EYA4: variants seen among roughly 807,000 people sequenced by gnomAD.
The protein encoded by EYA4 is protein phosphatase EYA4.
Under a neutral mutation model 87.9 loss-of-function variants are expected in EYA4, and 31 were observed. The observed-to-expected ratio is 0.35, with a 90% CI of 0.27 to 0.48. The LOEUF (loss-of-function observed/expected upper bound fraction) is 0.48. Among genes scored for constraint, EYA4 ranks in the 20% least tolerant of loss-of-function variants. The probability of loss-of-function intolerance (pLI) is 0.99; values close to 1 mark genes in which losing one functional copy is unlikely to be tolerated. For missense variants in EYA4, 678 were observed against 761.4 expected, an observed-to-expected ratio of 0.89 and a Z score of 1.29; for synonymous variants, 263 against 270.6, an observed-to-expected ratio of 0.97 and a Z score of 0.28.
intron 2 of EYA4, among the ~76,000 whole-genome samples, chr6:133,364,066 A>G (rs1352054050): frequency 3.9e-5 from 6 of 152,168 alleles, no homozygotes; most frequent in Non-Finnish European, 1.5e-5. Flanking sequence ...CAGCCTCACC[A>G]TCACCTGCTC....
At chr6:133,447,074 G>C (rs1165063621) in intron 4 of EYA4, among the ~76,000 whole-genome samples, 1 of 151,928 alleles carries the variant, frequency 6.6e-6, no homozygotes, top group Non-Finnish European at 1.5e-5. Context: ...TTTCCACCCT[G>C]GTATTAGCAA....
intron 3 of EYA4, among the ~76,000 whole-genome samples, chr6:133,423,040 T>C (rs1450182136): frequency 6.6e-6 from 1 of 152,084 alleles, no homozygotes; most frequent in Non-Finnish European, 1.5e-5. Flanking sequence ...CAGCCTTTTT[T>C]TGGAGGGTGA....
At chr6:133,272,557 A>C (rs1227931029) in intron 1 of EYA4, among the ~76,000 whole-genome samples, 1 of 152,218 alleles carries the variant, frequency 6.6e-6, no homozygotes. Flanking sequence ...ACCAAAGCCC[A>C]GTAATGGGCC....
chr6:133,276,032 C>G (rs1373892027), intron 2 of EYA4, among the ~76,000 whole-genome samples: 1 of 152,160 alleles, frequency 6.6e-6, no homozygotes, highest in East Asian at 1.9e-4. Context: ...TAAATATTCA[C>G]AGCATGGACT....
chr6:133,503,948 C>T (rs1798366337), intron 13 of EYA4, among the ~76,000 whole-genome samples: 1 of 152,050 alleles, frequency 6.6e-6, no homozygotes. Flanking sequence ...GATACTGTTT[C>T]ACTCTGTCAC....
intron 3 of EYA4, among the ~76,000 whole-genome samples, chr6:133,386,297 G>A (rs984868515): frequency 6.6e-6 from 1 of 151,946 alleles, no homozygotes; most frequent in Non-Finnish European, 1.5e-5. Flanking sequence ...GAAAATACAT[G>A]GTTCTTGTTT....
chr6:133,529,103 C>T lies in EYA4; in HGVS notation c.*298C>T. 6 of 1,187,708 alleles carry T rather than the reference C, an allele frequency of 5.1e-6. No individual in the cohort carries two copies. The highest frequency in any genetic ancestry group is 3.3e-5 in the African/African-American group (2 of 60,792). 73.6% of individuals were successfully genotyped at this position (1,187,708 alleles called of 1,614,324 possible). On this transcript the variant is annotated 3_prime_UTR_variant, in exon 20 of 20. Transcript: ENST00000355286. ...TGGAATGAGCAGCTTTAGCAAAGAACTCTTACCCTGGCAAAGCAGCAACAC... is the reference window on the plus strand; with the variant it reads ...TGGAATGAGCAGCTTTAGCAAAGAATTCTTACCCTGGCAAAGCAGCAACAC...
intron 2 of EYA4, among the ~76,000 whole-genome samples, chr6:133,367,774 A>G (rs1383429066): frequency 6.6e-6 from 1 of 152,212 alleles, no homozygotes; most frequent in Non-Finnish European, 1.5e-5. Context: ...CTTATTAACT[A>G]TTAATAATTC....
At chr6:133,502,167 G>T (rs1335303738) in intron 13 of EYA4, 1 of 150,868 alleles carries the variant, frequency 6.6e-6, no homozygotes, top group Non-Finnish European at 1.5e-5. Context: ...AGTTCAATTT[G>T]CTTCCTATTA....
chr6:133,515,214 T>TA lies in EYA4; in HGVS notation c.1502-106dup, dbSNP rs1328439433. Reference sequence around the variant, plus strand: ...AATCTGTATCTCTCTGCATTTCTGATATATACTGAAATAAAAATGATCTAT... The same window carrying TA: ...AATCTGTATCTCTCTGCATTTCTGATAATATACTGAAATAAAAATGATCTAT... On this transcript the variant is annotated intron_variant, in intron 16 of 19. Coordinates refer to ENST00000355286, the MANE Select transcript of EYA4 (RefSeq NM_004100.5). 4.0e-6 allele frequency: 3 copies of TA among 746,182 alleles called. No homozygotes were observed. The Admixed American group carries it at 5.4e-5, about 13-fold the overall frequency. The allele number at this position is 746,182 out of a possible 1,614,324, so 46.2% of individuals were successfully genotyped here. A position where few individuals can be genotyped will look rare whatever the true frequency, so the allele number is the denominator to read the frequency against.
chr6:133,268,329 T>C (rs1383642643), intron 1 of EYA4, among the ~76,000 whole-genome samples: 1 of 152,222 alleles, frequency 6.6e-6, no homozygotes, highest in African/African-American at 2.4e-5. Context: ...AGGTTTTGCT[T>C]TGTTTTGTTT....
At chr6:133,453,903 A>C (rs1793681093) in intron 5 of EYA4, among the ~76,000 whole-genome samples, 2 of 152,060 alleles carry the variant, frequency 1.3e-5, no homozygotes, top group African/African-American at 2.4e-5. Flanking sequence ...CTAAAAGCAA[A>C]CCTTTAAAAT....
intron 2 of EYA4, among the ~76,000 whole-genome samples, chr6:133,287,860 C>A (rs969069116): frequency 4.6e-5 from 7 of 152,092 alleles, no homozygotes; most frequent in African/African-American, 1.7e-4. Flanking sequence ...AGTGGCCGGG[C>A]ACGGTGGCTC....
At chr6:133,450,448 G>C (rs1006289811) in intron 5 of EYA4, among the ~76,000 whole-genome samples, 1 of 152,172 alleles carries the variant, frequency 6.6e-6, no homozygotes, top group African/African-American at 2.4e-5. Flanking sequence ...CAAAAGAAAA[G>C]AACTAATTTA....
chr6:133,443,226 C>CA (rs946470916), intron 3 of EYA4, among the ~76,000 whole-genome samples: 2 of 151,298 alleles, frequency 1.3e-5, no homozygotes, highest in African/African-American at 4.8e-5. Flanking sequence ...ATAACAGTAG[C>CA]AAAAAAAGTT....
chr6:133,496,235 GAAATTATTATGGGTCCTTA>G (rs1450573997), intron 13 of EYA4, among the ~76,000 whole-genome samples: 4 of 152,150 alleles, frequency 2.6e-5, no homozygotes, highest in South Asian at 2.1e-4. Context: ...GTCTAAGCTT[GAAATTATTATGGGTCCTTA>G]AAATTATTAT....
chr6:133,480,225 G>T (rs925398618), intron 11 of EYA4, among the ~76,000 whole-genome samples: 24 of 152,216 alleles, frequency 1.6e-4, no homozygotes, highest in African/African-American at 5.8e-4. Context: ...AGAACTAGGA[G>T]AGTGCAAGGT....
chr6:133,431,137 C>T (rs954407225), intron 3 of EYA4, among the ~76,000 whole-genome samples: 1 of 151,986 alleles, frequency 6.6e-6, no homozygotes, highest in African/African-American at 2.4e-5. Flanking sequence ...GGAATTGGGG[C>T]TCTGTGAGTG....
chr6:133,337,346 G>A (rs962710417), intron 2 of EYA4, among the ~76,000 whole-genome samples: 2 of 151,420 alleles, frequency 1.3e-5, no homozygotes, highest in Admixed American at 6.6e-5. Flanking sequence ...TAAATTTTAG[G>A]TGGTAAAAAA....
Sources: allele counts gnomAD v4.1 joint callset (sites outside exome capture counted in the v4.1 genomes callset), GRCh38; gene constraint gnomAD v4.1.1; transcripts MANE v1.5; gene names NCBI Gene and HGNC (gene_info 2026-07-23, HGNC 2026-07-21).